Variants in FUT9 observed in about 807,000 individuals in gnomAD.
FUT9 encodes fucosyltransferase 9, also known as 4-galactosyl-N-acetylglucosaminide 3-alpha-L-fucosyltransferase 9.
In FUT9, 15 loss-of-function variants were observed where a neutral mutation model predicts 29.7. That is an observed-to-expected ratio of 0.51 (90% confidence interval 0.34 to 0.78). The LOEUF (loss-of-function observed/expected upper bound fraction) is 0.78. FUT9 is among the 30% of genes least tolerant of loss of function. The pLI, the probability that FUT9 is intolerant of heterozygous loss-of-function variation, is 0.01. For synonymous variants in FUT9, 169 were observed against 153.7 expected (o/e 1.10, Z -0.74); for missense variants, 319 against 425.4 (o/e 0.75, Z 2.20).
intron 1 of FUT9, among the ~76,000 whole-genome samples, chr6:96,087,587 G>A (rs200839566): frequency 2.6e-5 from 4 of 151,914 alleles, no homozygotes; most frequent in African/African-American, 7.2e-5. Flanking sequence ...GGATGGTCTC[G>A]ATCTCTTGAC....
intron 2 of FUT9, among the ~76,000 whole-genome samples, chr6:96,141,970 G>A (rs1373729070): frequency 6.6e-6 from 1 of 152,154 alleles, no homozygotes. Context: ...CTTCTGAAGT[G>A]ATTACTTAGT....
chr6:96,047,122 C>T (rs1770577355), intron 1 of FUT9, among the ~76,000 whole-genome samples: 1 of 152,098 alleles, frequency 6.6e-6, no homozygotes. Context: ...GTTTGGAGCC[C>T]CATTGAAGAA....
chr6:96,146,300 G>T (rs1241492125), intron 2 of FUT9, among the ~76,000 whole-genome samples: 3 of 152,102 alleles, frequency 2.0e-5, no homozygotes, highest in Admixed American at 6.6e-5. Context: ...CTATCTACTG[G>T]GCTGCAGATA....
At chr6:96,198,048 C>G (rs1157384413) in intron 2 of FUT9, among the ~76,000 whole-genome samples, 1 of 150,148 alleles carries the variant, frequency 6.7e-6, no homozygotes, top group African/African-American at 2.4e-5. Context: ...AATTACAACT[C>G]TAATCTTTTT....
intron 1 of FUT9, among the ~76,000 whole-genome samples, chr6:96,039,675 A>G (rs1770422180): frequency 6.6e-6 from 1 of 152,120 alleles, no homozygotes; most frequent in Admixed American, 6.5e-5. Flanking sequence ...TATTATTTAT[A>G]ACATCTGAAA....
intron 2 of FUT9, among the ~76,000 whole-genome samples, chr6:96,150,991 T>C (rs1772665013): frequency 6.6e-6 from 1 of 152,212 alleles, no homozygotes; most frequent in Admixed American, 6.5e-5. Context: ...TAATTATCTT[T>C]ATCAACGTGG....
intron 2 of FUT9, among the ~76,000 whole-genome samples, chr6:96,200,619 A>G (rs993807905): frequency 6.6e-6 from 1 of 152,170 alleles, no homozygotes; most frequent in African/African-American, 2.4e-5. Flanking sequence ...CATTTATTTA[A>G]TGGTTTTTGC....
At position 96,203,330 on chromosome 6, in the gene FUT9, G is replaced by A. The variant is rs1773763114; in HGVS notation, c.175G>A (p.Asp59Asn). The A allele has an allele frequency of 6.2e-7, 1 of 1,613,820 alleles. No individual in the cohort carries two copies. The highest frequency in any genetic ancestry group is 8.5e-7 in the Non-Finnish European group (1 of 1,179,874). The change falls in exon 3 of 3, where the codon GAT (aspartate) becomes AAT (asparagine). Residue 59 changes from aspartate to asparagine, a missense_variant. Physicochemically the swap from Asp to Asn is conservative, Grantham distance 23. Coordinates refer to ENST00000302103, the MANE Select transcript of FUT9 (RefSeq NM_006581.4). ...GAAAAACTTCTTTTCCACCAAAACTGATTATTTTAATGAAACTACTATTCT... is the reference window on the plus strand; with the variant it reads ...GAAAAACTTCTTTTCCACCAAAACTAATTATTTTAATGAAACTACTATTCT... ...KMKNFFSTKT[D>N]YFNETTILVW...
chr6:96,146,196 G>T (rs1315005867), intron 2 of FUT9, among the ~76,000 whole-genome samples: 1 of 152,146 alleles, frequency 6.6e-6, no homozygotes, highest in African/African-American at 2.4e-5. Flanking sequence ...GAAGAGACAT[G>T]ATCTACCTTA....
intron 1 of FUT9, among the ~76,000 whole-genome samples, chr6:96,032,323 C>A (rs967650666): frequency 2.0e-5 from 3 of 151,386 alleles, no homozygotes; most frequent in African/African-American, 7.3e-5. Context: ...CTATGATATG[C>A]CTTTTTAAAT....
chr6:96,160,906 G>A (rs1451300448), intron 2 of FUT9, among the ~76,000 whole-genome samples: 1 of 152,108 alleles, frequency 6.6e-6, no homozygotes, highest in Non-Finnish European at 1.5e-5. Flanking sequence ...GAGAGTATGG[G>A]TGACGGACAG....
At chr6:96,032,004 T>C (rs896609944) in intron 1 of FUT9, among the ~76,000 whole-genome samples, 2 of 151,580 alleles carry the variant, frequency 1.3e-5, no homozygotes, top group African/African-American at 2.4e-5. Flanking sequence ...TATTCTAAAC[T>C]TGAGACCTGT....
chr6:96,087,867 G>A (rs1446844640), intron 1 of FUT9, among the ~76,000 whole-genome samples: 3 of 152,162 alleles, frequency 2.0e-5, no homozygotes, highest in Admixed American at 6.5e-5. Context: ...GTTTCCACAA[G>A]GATCATTTCT....
chr6:96,187,716 T>C (rs577514838), intron 2 of FUT9, among the ~76,000 whole-genome samples: 3 of 152,274 alleles, frequency 2.0e-5, no homozygotes, highest in Non-Finnish European at 2.9e-5. Context: ...TTTTAAGTGA[T>C]TAAAATAAAT....
chr6:96,178,542 T>C (rs1230575285), intron 2 of FUT9, among the ~76,000 whole-genome samples: 1 of 152,166 alleles, frequency 6.6e-6, no homozygotes, highest in Admixed American at 6.6e-5. Flanking sequence ...ATATTTTCTA[T>C]TGTCCTCGGC....
At chr6:96,139,470 G>A (rs1239931288) in intron 2 of FUT9, among the ~76,000 whole-genome samples, 1 of 152,134 alleles carries the variant, frequency 6.6e-6, no homozygotes, top group Non-Finnish European at 1.5e-5. Flanking sequence ...GGAGGACGGT[G>A]GCCTCCTTCT....
At chr6:96,167,875 G>C (rs562370288) in intron 2 of FUT9, among the ~76,000 whole-genome samples, 1 of 152,146 alleles carries the variant, frequency 6.6e-6, no homozygotes, top group African/African-American at 2.4e-5. Flanking sequence ...AGCCACTGTG[G>C]CCATAAACGA....
At chr6:96,099,162 T>G (rs1204440836) in intron 1 of FUT9, among the ~76,000 whole-genome samples, 3 of 151,968 alleles carry the variant, frequency 2.0e-5, no homozygotes, top group African/African-American at 7.3e-5. Flanking sequence ...AAGTTCACAA[T>G]TTTCTCTGGA....
At chr6:96,083,253 G>A (rs1771266968) in intron 1 of FUT9, among the ~76,000 whole-genome samples, 1 of 152,020 alleles carries the variant, frequency 6.6e-6, no homozygotes. Context: ...TGAGTCACAT[G>A]TATTAATATT....
Sources: gnomAD v4.1 joint callset for allele counts (sites outside exome capture counted in the v4.1 genomes callset) on GRCh38, gnomAD v4.1.1 for gene constraint, MANE v1.5 for transcripts, NCBI Gene and HGNC (gene_info 2026-07-23, HGNC 2026-07-21) for gene names.